Variants in TSPAN9 observed in about 807,000 individuals in gnomAD.
The protein encoded by TSPAN9 is tetraspanin 9, also known as tetraspanin-9.
In TSPAN9, 16 loss-of-function variants were observed where a neutral mutation model predicts 31.0. The ratio of observed to expected loss-of-function variants is 0.52; its 90% CI spans 0.35 to 0.78. TSPAN9 has a LOEUF of 0.78. Ranked by LOEUF, TSPAN9 falls within the 30% of genes least tolerant of loss-of-function variation. The pLI is 0.01. For missense variants in TSPAN9, 272 were observed against 312.5 expected, an observed-to-expected ratio of 0.87 and a Z score of 0.98; for synonymous variants, 145 against 121.6, an observed-to-expected ratio of 1.19 and a Z score of -1.27.
intron 2 of TSPAN9, among the ~76,000 whole-genome samples, chr12:3,162,386 T>C (rs1472394293): frequency 3.3e-5 from 5 of 152,150 alleles, no homozygotes. Flanking sequence ...TGCTAAATAA[T>C]TGATTCAGGT....
intron 3 of TSPAN9, among the ~76,000 whole-genome samples, chr12:3,219,498 C>T (rs989321353): frequency 3.3e-5 from 5 of 152,202 alleles, no homozygotes; most frequent in African/African-American, 7.2e-5. Context: ...GGAGGGAGGG[C>T]GCCTTCACCT....
rs527526845 is a variant in TSPAN9 at position 3,142,043 on chromosome 12, G to A, written c.-18+58324G>A. 1.1e-4 allele frequency among the ~76,000 whole-genome samples: 16 copies of A among 152,314 alleles called. No individual in the cohort carries two copies. In the South Asian group the frequency reaches 3.3e-3, roughly 32 times the overall value. On this transcript the variant is annotated intron_variant, in intron 2 of 8. Transcript: ENST00000011898. ...GCATTGCGCTAAGTGTCTTACCATG[G>A]CCAGGTGCTCACAGGAATCCTGTGT...
intron 2 of TSPAN9, among the ~76,000 whole-genome samples, chr12:3,167,506 A>G (rs1184661444): frequency 6.6e-6 from 1 of 152,200 alleles, no homozygotes; most frequent in African/African-American, 2.4e-5. Flanking sequence ...TTTCTTCTTA[A>G]TGATTAGGAT....
chr12:3,225,997 G>A (rs1436127546), intron 3 of TSPAN9, among the ~76,000 whole-genome samples: 1 of 152,148 alleles, frequency 6.6e-6, no homozygotes, highest in Non-Finnish European at 1.5e-5. Context: ...AAACCACACA[G>A]GGCCTGTTGA....
intron 3 of TSPAN9, among the ~76,000 whole-genome samples, chr12:3,244,141 T>G (rs897221806): frequency 1.3e-5 from 2 of 152,200 alleles, no homozygotes; most frequent in African/African-American, 4.8e-5. Context: ...CGATGCTGTT[T>G]TTGACCCCAA....
chr12:3,270,682 G>A (rs903922750), intron 3 of TSPAN9, among the ~76,000 whole-genome samples: 3 of 152,274 alleles, frequency 2.0e-5, no homozygotes, highest in African/African-American at 7.2e-5. Context: ...AGGACTGCTG[G>A]TGACTGGGCA....
At chr12:3,270,112 C>T (rs979041599) in intron 3 of TSPAN9, among the ~76,000 whole-genome samples, 19 of 152,126 alleles carry the variant, frequency 1.2e-4, no homozygotes, top group South Asian at 4.1e-4. Context: ...GGCCCTACAC[C>T]GGGCCCCCTA....
Position 3,192,207 on chromosome 12 carries a change from A to C in TSPAN9, c.-17-8970A>C, listed in dbSNP as rs1365008330. ...GACTGTACTAGAAAAGTAGACTAGG[A>C]AACACACAGGCACACACACAATTGT... is the stretch of plus-strand genomic sequence containing the variant. On this transcript the variant is annotated intron_variant, in intron 2 of 8. Transcript: ENST00000011898. The surrounding 1 kb of genome is among the most constrained non-coding windows in gnomAD (Gnocchi z 4.6). Among the ~76,000 whole-genome samples, 3 of 152,206 alleles carry C rather than the reference A, an allele frequency of 2.0e-5. No individual in the cohort carries two copies. Among genetic ancestry groups the C allele is most frequent in the Non-Finnish European group, 2.9e-5 (2 of 68,044 alleles).
intron 3 of TSPAN9, among the ~76,000 whole-genome samples, chr12:3,272,672 C>T (rs888347740): frequency 6.6e-6 from 1 of 152,004 alleles, no homozygotes. Context: ...GGCGAGGGGC[C>T]GCTCCCACCA....
rs1565647247 is a variant in TSPAN9 at position 3,284,485 on chromosome 12, C to T, written c.*1369C>T. ...GTGGCGATTATATCATCTGTGATCC[C>T]AAGGAGAAGAAATACAGAAAACCCA... On this transcript the variant is annotated 3_prime_UTR_variant, in exon 9 of 9. Transcript: ENST00000011898. 6.6e-6 allele frequency: 1 copy of T among 152,466 alleles called. No homozygotes were observed. Among genetic ancestry groups the T allele is most frequent in the African/African-American group, 2.4e-5 (1 of 41,422 alleles). The allele number at this position is 152,466 out of a possible 1,614,324, so 9.4% of individuals were successfully genotyped here.
At chr12:3,140,447 C>T (rs760104065) in intron 2 of TSPAN9, among the ~76,000 whole-genome samples, 9 of 151,694 alleles carry the variant, frequency 5.9e-5, no homozygotes, top group African/African-American at 1.5e-4. Context: ...CCGGGATGGA[C>T]GGGAAATAGA....
intron 2 of TSPAN9, among the ~76,000 whole-genome samples, chr12:3,091,945 T>C (rs1334420874): frequency 6.6e-6 from 1 of 152,148 alleles, no homozygotes; most frequent in Non-Finnish European, 1.5e-5. Flanking sequence ...GTGCCAGCAT[T>C]GTGCTCCTGT....
intron 2 of TSPAN9, among the ~76,000 whole-genome samples, chr12:3,154,911 C>G (rs542022217): frequency 6.6e-6 from 1 of 152,226 alleles, no homozygotes; most frequent in South Asian, 2.1e-4. Context: ...CCTTTTCTAG[C>G]GACTTCTCCA....
intron 5 of TSPAN9, among the ~76,000 whole-genome samples, chr12:3,279,596 C>T (rs1023844738): frequency 7.2e-5 from 11 of 152,318 alleles, no homozygotes; most frequent in African/African-American, 2.6e-4. Context: ...CCTGTAACCT[C>T]GCCAGGCTGG....
intron 3 of TSPAN9, among the ~76,000 whole-genome samples, chr12:3,275,868 T>G (rs1027134042): frequency 3.9e-5 from 6 of 152,258 alleles, no homozygotes; most frequent in African/African-American, 1.4e-4. Flanking sequence ...TGGTTAGTAA[T>G]ACGTGGCGGT....
At chr12:3,139,270 C>T (rs1344566613) in intron 2 of TSPAN9, among the ~76,000 whole-genome samples, 1 of 152,220 alleles carries the variant, frequency 6.6e-6, no homozygotes, top group Non-Finnish European at 1.5e-5. Context: ...TCGATCCTTC[C>T]GTCCAAGTGT....
chr12:3,240,519 C>T (rs1330617386), intron 3 of TSPAN9, among the ~76,000 whole-genome samples: 2 of 152,162 alleles, frequency 1.3e-5, no homozygotes, highest in African/African-American at 2.4e-5. Context: ...GTGACGTGCT[C>T]GAGCTCACAC....
intron 2 of TSPAN9, among the ~76,000 whole-genome samples, chr12:3,181,066 G>A (rs1406081068): frequency 1.3e-5 from 2 of 151,834 alleles, no homozygotes; most frequent in Admixed American, 1.3e-4. Context: ...TGGAAAGATG[G>A]GTGGGGGGGA....
Position 3,283,838 on chromosome 12 carries a change from G to C in TSPAN9, c.*722G>C. 6.6e-6 allele frequency: 1 copy of C among 152,628 alleles called. No individual in the cohort carries two copies. The highest frequency in any genetic ancestry group is 1.5e-5 in the Non-Finnish European group (1 of 68,182). 9.5% of individuals were successfully genotyped at this position (152,628 alleles called of 1,614,324 possible). ...CACCCAGGAGGCTCTCGGATGGGGCGCGCCTGCGCCCTCAGAACGTGTGGG... is the reference window on the plus strand; with the variant it reads ...CACCCAGGAGGCTCTCGGATGGGGCCCGCCTGCGCCCTCAGAACGTGTGGG... On this transcript the variant is annotated 3_prime_UTR_variant, in exon 9 of 9. Coordinates refer to ENST00000011898, the MANE Select transcript of TSPAN9 (RefSeq NM_006675.5).
Sources: gnomAD v4.1 joint callset for allele counts (sites outside exome capture counted in the v4.1 genomes callset) on GRCh38, gnomAD v4.1.1 for gene constraint, Gnocchi (gnomAD v3.1) non-coding constraint, MANE v1.5 for transcripts, NCBI Gene and HGNC (gene_info 2026-07-23, HGNC 2026-07-21) for gene names.